CCDC174: variants seen among roughly 807,000 people sequenced by gnomAD.
CCDC174 encodes coiled-coil domain-containing protein 174.
Under a neutral mutation model 57.1 loss-of-function variants are expected in CCDC174, and 37 were observed. The observed-to-expected ratio is 0.65, with a 90% CI of 0.50 to 0.85. The LOEUF (loss-of-function observed/expected upper bound fraction) is 0.85. Ranked by LOEUF, CCDC174 falls within the 40% of genes least tolerant of loss-of-function variation. The pLI is 0.00. For synonymous variants in CCDC174, 182 were observed against 190.2 expected (o/e 0.96, Z 0.35); for missense variants, 540 against 574.3 (o/e 0.94, Z 0.61).
At chr3:14,663,868 G>A (rs2031231084) in intron 5 of CCDC174, among the ~76,000 whole-genome samples, 1 of 152,212 alleles carries the variant, frequency 6.6e-6, no homozygotes. Flanking sequence ...TATGGTGAAG[G>A]AAGACGCTCT....
At chr3:14,668,823 G>A (rs2031425172) in intron 9 of CCDC174, among the ~76,000 whole-genome samples, 1 of 152,196 alleles carries the variant, frequency 6.6e-6, no homozygotes, top group South Asian at 2.1e-4. Flanking sequence ...GTGGGTGAGT[G>A]GGTATCCAGG....
chr3:14,661,913 A>G (rs2031152757), intron 5 of CCDC174: 2 of 383,460 alleles, frequency 5.2e-6, no homozygotes, highest in South Asian at 3.8e-5. Flanking sequence ...AATAATTACA[A>G]TAATTACATA....
At chr3:14,656,001 A>G (rs2030945806) in intron 3 of CCDC174, among the ~76,000 whole-genome samples, 1 of 152,110 alleles carries the variant, frequency 6.6e-6, no homozygotes, top group Non-Finnish European at 1.5e-5. Flanking sequence ...AGAACATTCT[A>G]ATATTCTTCA....
In CCDC174 at chr3:14,666,918, C is replaced by T. The variant is rs1186894756; in HGVS notation, c.695C>T (p.Pro232Leu). ...EREALKRPMG[P>L]VHYEDIRENE... is the part of the protein sequence containing the mutation. ...GAGGCCCTGAAGAGGCCCATGGGGC[C>T]CGTACATTATGAAGACATTCGGGAA... The change falls in exon 7 of 11, where the codon CCC (proline) becomes CTC (leucine). Residue 232 changes from proline (P) to leucine (L), a missense_variant. Coordinates refer to ENST00000383794, the MANE Select transcript of CCDC174 (RefSeq NM_016474.5). 6.3e-7 allele frequency: 1 copy of T among 1,588,404 alleles called. No individual in the cohort carries two copies. Among genetic ancestry groups the T allele is most frequent in the South Asian group, 1.2e-5 (1 of 85,844 alleles).
At chr3:14,663,541 A>G (rs1040066340) in intron 5 of CCDC174, among the ~76,000 whole-genome samples, 3 of 152,134 alleles carry the variant, frequency 2.0e-5, no homozygotes, top group Admixed American at 1.3e-4. Flanking sequence ...CATGGCTGTT[A>G]GCCCTCTTGT....
chr3:14,651,930 A>G (rs749703879), intron 1 of CCDC174, 52 bp downstream of exon 1: 20 of 1,569,604 alleles, frequency 1.3e-5, no homozygotes, highest in African/African-American at 4.0e-5. Flanking sequence ...CCGTGTCTCC[A>G]TCAGACAAGA....
intron 5 of CCDC174, among the ~76,000 whole-genome samples, chr3:14,663,135 C>T (rs2031206352): frequency 6.6e-6 from 1 of 152,162 alleles, no homozygotes; most frequent in African/African-American, 2.4e-5. Context: ...CTCATCACAG[C>T]CTCGACCTCC....
Position 14,654,553 on chromosome 3 carries a change from C to A in CCDC174, c.147+23C>A, listed in dbSNP as rs1294048974. 4.4e-6 allele frequency: 5 copies of A among 1,142,590 alleles called. No individual in the cohort carries two copies. In the Admixed American group the frequency reaches 5.8e-5, roughly 13 times the overall value. 70.8% of individuals were successfully genotyped at this position (1,142,590 alleles called of 1,614,324 possible). A position where few individuals can be genotyped will look rare whatever the true frequency, so the allele number is the denominator to read the frequency against. On this transcript the variant is annotated intron_variant, in intron 2 of 10. Coordinates refer to ENST00000383794, the MANE Select transcript of CCDC174 (RefSeq NM_016474.5). ...AAGGTAAAAAATAAGATCTAATTAT[C>A]TCCATTGGTTCCAAACATGGGAGAA...
chr3:14,654,374 C>T, intron 1 of CCDC174, 52 bp from the exon 2 acceptor site: 3 of 893,740 alleles, frequency 3.4e-6, no homozygotes, highest in Non-Finnish European at 3.6e-6. Flanking sequence ...TTTAGCAATC[C>T]AGTCACCTGC....
At chr3:14,661,830 A>G (rs750039924) in intron 5 of CCDC174, 123 bp downstream of exon 5, 17 of 813,124 alleles carry the variant, frequency 2.1e-5, no homozygotes, top group Non-Finnish European at 3.3e-5. Context: ...TTCTTTTGAG[A>G]CTTCCCTTTA....
intron 1 of CCDC174, 29 bp from the exon 2 acceptor site, chr3:14,654,397 T>A (rs760248320): frequency 8.3e-7 from 1 of 1,204,736 alleles, no homozygotes; most frequent in South Asian, 1.3e-5. Flanking sequence ...GAATTTAATA[T>A]TTTTGTTTAC....
At position 14,661,615 on chromosome 3, in the gene CCDC174, T is replaced by C. The variant is rs1045301595; in HGVS notation, c.393T>C (p.His131=). ...AAGAAATGGAGGCATCTGGTGCCCA[T>C]AGAGATTCTCAAAAGGCAGGAGAAA... is the stretch of plus-strand genomic sequence containing the variant. ...KRKEMEASGA[H]RDSQKAGERD... is the part of the protein sequence containing the mutation. Residue 131 remains histidine, a synonymous_variant, in exon 5 of 11, where the codon CAT becomes CAC. Transcript: ENST00000383794. 12 of 1,614,030 alleles carry C rather than the reference T, an allele frequency of 7.4e-6. No individual in the cohort carries two copies. The African/African-American group carries it at 1.3e-4, about 18-fold the overall frequency.
chr3:14,662,909 T>C (rs1293140426), intron 5 of CCDC174, among the ~76,000 whole-genome samples: 1 of 152,192 alleles, frequency 6.6e-6, no homozygotes, highest in Non-Finnish European at 1.5e-5. Context: ...AGGTATCTTT[T>C]TACCTACTGT....
At position 14,655,580 on chromosome 3, in the gene CCDC174, A is replaced by T; in HGVS notation, c.199A>T (p.Lys67Ter). 1 of 1,610,720 alleles carries T rather than the reference A, an allele frequency of 6.2e-7. No individual in the cohort carries two copies. Among genetic ancestry groups the T allele is most frequent in the Non-Finnish European group, 8.5e-7 (1 of 1,178,178 alleles). Residue 67 changes from lysine (K) to a stop codon, truncating the protein, a stop_gained, in exon 3 of 11, where the codon AAG becomes TAG. Coordinates refer to ENST00000383794, the MANE Select transcript of CCDC174 (RefSeq NM_016474.5). LOFTEE classifies it high-confidence loss of function. ...TGTAGGCGTTTCAAATCGAGCTGAG[A>T]AGGATGCTGAACAGAAGATTGAAGA... is the stretch of plus-strand genomic sequence containing the variant. ...QNVGVSNRAE[K>*]DAEQKIEEQK...
At chr3:14,655,313 AG>A (rs1275875780) in intron 2 of CCDC174, among the ~76,000 whole-genome samples, 1 of 150,748 alleles carries the variant, frequency 6.6e-6, no homozygotes, top group Non-Finnish European at 1.5e-5. Context: ...CCTGTCTCAA[AG>A]AAAAAAAAAA....
rs369290305 is a variant in CCDC174 at position 14,651,816 on chromosome 3, C to T, written c.-21C>T. 3.1e-6 allele frequency: 5 copies of T among 1,613,690 alleles called. No homozygotes were observed. Among genetic ancestry groups the T allele is most frequent in the African/African-American group, 2.7e-5 (2 of 74,886 alleles). On this transcript the variant is annotated 5_prime_UTR_variant, in exon 1 of 11. Coordinates refer to ENST00000383794, the MANE Select transcript of CCDC174 (RefSeq NM_016474.5). ...TCGGGTAGAAAGGGTCCTTCCTGGA[C>T]CGGGACCCTCTGCCACGACCATGGA...
Position 14,654,465 on chromosome 3 carries a change from G to T in CCDC174, c.82G>T (p.Glu28Ter), listed in dbSNP as rs1432406778. 4 of 1,607,552 alleles carry T rather than the reference G, an allele frequency of 2.5e-6. No individual in the cohort carries two copies. Among genetic ancestry groups the T allele is most frequent in the Non-Finnish European group, 3.4e-6 (4 of 1,177,234 alleles). The change falls in exon 2 of 11, where the codon GAA becomes TAA. Residue 28 changes from glutamate (E) to a stop codon, truncating the protein, a stop_gained. Transcript: ENST00000383794. LOFTEE classifies it high-confidence loss of function. ...LKAELFRKQEEFKQEKLLKDS... is the reference protein window; with the variant it reads ...LKAELFRKQE Reference sequence around the variant, plus strand: ...GGCTGAACTCTTCCGAAAGCAAGAAGAATTCAAACAAGAAAAACTTCTAAA... The same window carrying T: ...GGCTGAACTCTTCCGAAAGCAAGAATAATTCAAACAAGAAAAACTTCTAAA...
At chr3:14,655,502 G>C in intron 2 of CCDC174, 27 bp from the exon 3 acceptor site, 1 of 1,508,092 alleles carries the variant, frequency 6.6e-7, no homozygotes, top group Non-Finnish European at 9.1e-7. Flanking sequence ...ATGTGGTTCT[G>C]TTTTGTCTTC....
intron 6 of CCDC174, among the ~76,000 whole-genome samples, chr3:14,666,380 T>C (rs574435334): frequency 3.9e-5 from 6 of 152,280 alleles, no homozygotes; most frequent in Admixed American, 2.0e-4. Flanking sequence ...CCCAGCACTT[T>C]GGGAGGCCAA....
Sources: gnomAD v4.1 joint callset for allele counts (sites outside exome capture counted in the v4.1 genomes callset) on GRCh38, gnomAD v4.1.1 for gene constraint, MANE v1.5 for transcripts, NCBI Gene and HGNC (gene_info 2026-07-23, HGNC 2026-07-21) for gene names.